PLCE1: variants seen among roughly 807,000 people sequenced by gnomAD.
PLCE1 encodes 1-phosphatidylinositol 4,5-bisphosphate phosphodiesterase epsilon-1.
A neutral mutation model predicts 242.8 loss-of-function variants in PLCE1; 119 were observed. The observed-to-expected ratio is 0.49, with a 90% confidence interval of 0.42 to 0.57. The LOEUF is 0.57. PLCE1 is among the 20% of genes least tolerant of loss of function. The pLI, the probability that PLCE1 is intolerant of heterozygous loss-of-function variation, is 0.00. For synonymous variants in PLCE1, 945 were observed against 1,017.4 expected, an observed-to-expected ratio of 0.93 and a Z score of 1.35; for missense variants, 2,441 against 2,788.8, an observed-to-expected ratio of 0.88 and a Z score of 2.81.
At chr10:94,051,532 G>A (rs1171705236) in intron 2 of PLCE1, among the ~76,000 whole-genome samples, 1 of 152,132 alleles carries the variant, frequency 6.6e-6, no homozygotes, top group Non-Finnish European at 1.5e-5. Flanking sequence ...TTGTAGATAA[G>A]TATATGCATC....
chr10:94,158,857 T>A (rs925059843), intron 3 of PLCE1, among the ~76,000 whole-genome samples: 6 of 143,026 alleles, frequency 4.2e-5, no homozygotes, highest in African/African-American at 1.3e-4. Flanking sequence ...TCTTTTTCTT[T>A]TTTTTTTTTT....
rs2043825629 is a variant in PLCE1 at position 94,053,637 on chromosome 10, T to A, written c.1206+21385T>A. The stretch of plus-strand genomic sequence containing the variant: ...AGGCTTATTGAATGCACTGGGAAGT[T>A]ATAGGTGGAGGGCTGGGATCCAGCT... On this transcript the variant is annotated intron_variant, in intron 2 of 32. Transcript: ENST00000371380. Among the ~76,000 whole-genome samples, 3 of 152,246 alleles carry A rather than the reference T, an allele frequency of 2.0e-5. No individual in the cohort carries two copies. The South Asian group carries it at 6.2e-4, about 32-fold the overall frequency.
chr10:94,160,081 G>A (rs1262884204), intron 3 of PLCE1, among the ~76,000 whole-genome samples: 7 of 152,114 alleles, frequency 4.6e-5, no homozygotes, highest in South Asian at 2.1e-4. Flanking sequence ...ATAAACATAC[G>A]TGTACATGTG....
At chr10:94,231,123 A>G in intron 5 of PLCE1, among the ~76,000 whole-genome samples, 1 of 152,218 alleles carries the variant, frequency 6.6e-6, no homozygotes, top group East Asian at 1.9e-4. Flanking sequence ...ATTTTCTACA[A>G]TGAGTAGTAT....
At chr10:94,010,186 A>C (rs1420341670) in intron 1 of PLCE1, among the ~76,000 whole-genome samples, 2 of 152,224 alleles carry the variant, frequency 1.3e-5, no homozygotes, top group Admixed American at 6.5e-5. Context: ...GGAAGCCACC[A>C]GGGCATATGG....
At chr10:94,123,957 C>G (rs1387336119) in intron 2 of PLCE1, among the ~76,000 whole-genome samples, 1 of 152,050 alleles carries the variant, frequency 6.6e-6, no homozygotes, top group Non-Finnish European at 1.5e-5. Flanking sequence ...TATATAGTCA[C>G]TAATGCGAAA....
chr10:94,093,505 G>T (rs1382602414), intron 2 of PLCE1, among the ~76,000 whole-genome samples: 1 of 152,206 alleles, frequency 6.6e-6, no homozygotes, highest in African/African-American at 2.4e-5. Context: ...ACTAAAGGGG[G>T]AAAAGAATCC....
At chr10:94,022,002 G>C (rs1312870914) in intron 1 of PLCE1, among the ~76,000 whole-genome samples, 2 of 151,984 alleles carry the variant, frequency 1.3e-5, no homozygotes, top group Non-Finnish European at 2.9e-5. Flanking sequence ...ACAAAGTAAA[G>C]ATGTATGCTC....
intron 2 of PLCE1, chr10:94,089,018 C>CA: frequency 6.7e-7 from 1 of 1,492,796 alleles, no homozygotes; most frequent in African/African-American, 1.4e-5. Context: ...CTAATGTAAA[C>CA]ACTCATCACC....
chr10:94,170,494 C>T (rs1209171654), intron 3 of PLCE1, among the ~76,000 whole-genome samples: 5 of 152,226 alleles, frequency 3.3e-5, no homozygotes, highest in Admixed American at 3.3e-4. Flanking sequence ...TCTCCTGCAT[C>T]CCTCTGTCAC....
chr10:94,059,208 G>A (rs970065930), intron 2 of PLCE1, among the ~76,000 whole-genome samples: 2 of 152,190 alleles, frequency 1.3e-5, no homozygotes, highest in African/African-American at 2.4e-5. Flanking sequence ...TCATTCATGA[G>A]GATAGGAATA....
chr10:94,318,456 G>T (rs1365204666), intron 29 of PLCE1, among the ~76,000 whole-genome samples: 2 of 152,206 alleles, frequency 1.3e-5, no homozygotes, highest in Non-Finnish European at 2.9e-5. Context: ...CAAACACTAT[G>T]TTGAATGATA....
chr10:94,181,939 GA>G (rs1185026804), intron 4 of PLCE1, among the ~76,000 whole-genome samples: 1 of 151,930 alleles, frequency 6.6e-6, no homozygotes, highest in Non-Finnish European at 1.5e-5. Context: ...TAACAAAAAG[GA>G]AAAAACATAA....
chr10:94,283,411 A>G (rs1166811588), intron 20 of PLCE1: 2 of 282,982 alleles, frequency 7.1e-6, no homozygotes, highest in African/African-American at 4.5e-5. Flanking sequence ...TCAGCCACTA[A>G]ATCCTTCCCA....
At chr10:93,997,640 T>C in intron 1 of PLCE1, among the ~76,000 whole-genome samples, 1 of 148,364 alleles carries the variant, frequency 6.7e-6, no homozygotes, top group African/African-American at 2.5e-5. Flanking sequence ...TCCTTTTTTT[T>C]TTTTTTTTTT....
intron 4 of PLCE1, among the ~76,000 whole-genome samples, chr10:94,204,018 T>C (rs560570496): frequency 6.6e-6 from 1 of 152,352 alleles, no homozygotes; most frequent in East Asian, 1.9e-4. Flanking sequence ...AATATCAGCA[T>C]TGGACTCTTT....
Position 94,324,453 on chromosome 10 carries a change from TACC to T in PLCE1, c.6609_6611del (p.Thr2204del). On this transcript the variant is annotated inframe_deletion, in exon 31 of 33. Coordinates refer to ENST00000371380, the MANE Select transcript of PLCE1 (RefSeq NM_016341.4). ...TGAAAGACACTACCAACAAGAAGAC[TACC>T]ACACCAAAGTCCTCTCAGCGGGTCC... The T allele has an allele frequency of 1.2e-6, 2 of 1,614,150 alleles. No individual in the cohort carries two copies. Among genetic ancestry groups the T allele is most frequent in the Non-Finnish European group, 1.7e-6 (2 of 1,180,000 alleles).
At chr10:94,084,695 C>T (rs1189506045) in intron 2 of PLCE1, among the ~76,000 whole-genome samples, 1 of 152,116 alleles carries the variant, frequency 6.6e-6, no homozygotes, top group Non-Finnish European at 1.5e-5. Flanking sequence ...AAATTTGGAG[C>T]CAGGGAAAAA....
rs1021259547 is a variant in PLCE1 at position 94,328,647 on chromosome 10, G to A, written c.*704G>A. On this transcript the variant is annotated 3_prime_UTR_variant, in exon 33 of 33. Transcript: ENST00000371380. Reference sequence around the variant, plus strand: ...GCCGAGAATTAGAAGCTTAGAATTAGAAGCTTTGGGGCATTTCAAGTGTAA... The same window carrying A: ...GCCGAGAATTAGAAGCTTAGAATTAAAAGCTTTGGGGCATTTCAAGTGTAA... 2.0e-5 allele frequency: 3 copies of A among 152,222 alleles called. No individual in the cohort carries two copies. The highest frequency in any genetic ancestry group is 7.2e-5 in the African/African-American group (3 of 41,446). 9.4% of individuals were successfully genotyped at this position (152,222 alleles called of 1,614,324 possible).
Sources: gnomAD v4.1 joint callset for allele counts (sites outside exome capture counted in the v4.1 genomes callset) on GRCh38, gnomAD v4.1.1 for gene constraint, MANE v1.5 for transcripts, NCBI Gene and HGNC (gene_info 2026-07-23, HGNC 2026-07-21) for gene names.